The following NARF variants were observed in gnomAD, a reference collection of about 807,000 sequenced individuals.
The protein encoded by NARF is iron-only hydrogenase-like protein 2.
A neutral mutation model predicts 48.0 loss-of-function variants in NARF; 41 were observed. The ratio of observed to expected loss-of-function variants is 0.85; its 90% confidence interval spans 0.66 to 1.11. The LOEUF is 1.11. Among genes scored for constraint, NARF ranks in the 50% least tolerant of loss-of-function variants. The pLI is 0.00. For synonymous variants in NARF, 215 were observed against 225.5 expected (o/e 0.95, Z 0.42); for missense variants, 613 against 590.2 (o/e 1.04, Z -0.40).
At chr17:82,469,322 A>T (rs562252815) in intron 4 of NARF, among the ~76,000 whole-genome samples, 68 of 152,372 alleles carry the variant, frequency 4.5e-4, no homozygotes, top group Middle Eastern at 6.8e-3. Flanking sequence ...CAGAGCAGAA[A>T]GGGAATGGGC....
At position 82,478,788 on chromosome 17, in the gene NARF, T is replaced by C. The variant is rs1408457018; in HGVS notation, c.521-12T>C. ...CAGTAAGGAGCTGACCGTGGATCCC[T>C]TCTCTCCCCAGGCTGGGTCCGATAC... On this transcript the variant is annotated splice_polypyrimidine_tract_variant and intron_variant, in intron 5 of 10. Coordinates refer to ENST00000309794, the MANE Select transcript of NARF (RefSeq NM_012336.4). 1 of 1,611,354 alleles carries C rather than the reference T, an allele frequency of 6.2e-7. No individual in the cohort carries two copies. Among genetic ancestry groups the C allele is most frequent in the African/African-American group, 1.3e-5 (1 of 74,886 alleles).
chr17:82,478,694 G>T, intron 5 of NARF, 106 bp from the exon 6 acceptor site: 1 of 1,164,666 alleles, frequency 8.6e-7, no homozygotes. Context: ...AGGTGTTCTG[G>T]CTTCACCCTG....
intron 3 of NARF, among the ~76,000 whole-genome samples, chr17:82,467,074 T>G (rs2043588002): frequency 6.6e-6 from 1 of 151,814 alleles, no homozygotes; most frequent in Non-Finnish European, 1.5e-5. Flanking sequence ...TGAGATGGAG[T>G]CTCACTCTGT....
chr17:82,466,505 T>C (rs2029896503), intron 3 of NARF, among the ~76,000 whole-genome samples: 1 of 152,100 alleles, frequency 6.6e-6, no homozygotes, highest in Admixed American at 6.6e-5. Flanking sequence ...CAGGCTGGGG[T>C]GCAGTGTCGT....
At chr17:82,458,508 C>T, upstream of NARF, 1 of 376,162 alleles carries the variant, frequency 2.7e-6, no homozygotes. Flanking sequence ...CCCCCGGCGC[C>T]GTACGTGGAG....
chr17:82,458,854 C>T (rs751702597), intron 1 of NARF, 24 bp downstream of exon 1: 11 of 1,391,944 alleles, frequency 7.9e-6, no homozygotes, highest in Non-Finnish European at 8.4e-6. Context: ...GCCGGGGAGG[C>T]GCGCGCCTGG....
upstream of NARF, chr17:82,458,711 A>G: frequency 1.1e-5 from 15 of 1,411,560 alleles, no homozygotes; most frequent in Non-Finnish European, 1.4e-5. Context: ...GGGGGAGGAC[A>G]ACAAAGGGCC....
intron 1 of NARF, 48 bp downstream of exon 1, chr17:82,458,878 G>C: frequency 7.5e-7 from 1 of 1,332,990 alleles, no homozygotes; most frequent in Non-Finnish European, 9.6e-7. Flanking sequence ...TTGTCCTGTG[G>C]GGCTCTGGGC....
At chr17:82,477,476 C>T (rs922721723) in intron 5 of NARF, among the ~76,000 whole-genome samples, 7 of 151,952 alleles carry the variant, frequency 4.6e-5, no homozygotes, top group Admixed American at 2.0e-4. Context: ...TGCACTCCAG[C>T]CTGGGTGACA....
intron 5 of NARF, among the ~76,000 whole-genome samples, chr17:82,478,122 G>A (rs2143916210): frequency 6.6e-6 from 1 of 152,296 alleles, no homozygotes; most frequent in South Asian, 2.1e-4. Flanking sequence ...TATGCACTCT[G>A]ACTGGGCTGT....
chr17:82,466,445 ATTC>A (rs1567931086), intron 3 of NARF, among the ~76,000 whole-genome samples: 1 of 152,018 alleles, frequency 6.6e-6, no homozygotes, highest in African/African-American at 2.4e-5. Flanking sequence ...ATGTGAATAC[ATTC>A]TTCTTCCTTT....
chr17:82,464,115 A>T (rs986826877), intron 2 of NARF, 172 bp from the exon 3 acceptor site: 19 of 746,540 alleles, frequency 2.5e-5, no homozygotes, highest in Middle Eastern at 3.8e-4. Context: ...CACCACCTTG[A>T]GCTGCTCAGT....
intron 10 of NARF, among the ~76,000 whole-genome samples, chr17:82,485,863 G>T (rs2044084875): frequency 1.3e-5 from 2 of 152,216 alleles, no homozygotes; most frequent in African/African-American, 2.4e-5. Context: ...CATGTAGCAT[G>T]TGGGCATTCT....
intron 2 of NARF, chr17:82,463,869 G>A (rs1325279026): frequency 6.1e-6 from 1 of 164,444 alleles, no homozygotes; most frequent in Non-Finnish European, 1.3e-5. Context: ...GTGGCCTCAG[G>A]GAGCCGTGGG....
At chr17:82,465,552 C>T (rs917284146) in intron 3 of NARF, among the ~76,000 whole-genome samples, 2 of 152,114 alleles carry the variant, frequency 1.3e-5, no homozygotes, top group African/African-American at 4.8e-5. Flanking sequence ...GGCTTCTGGA[C>T]AAGTCATCCA....
rs2043636134 is a variant in NARF, at chr17:82,468,982, G to A, written c.385+86G>A. 11 of 1,483,052 alleles carry A rather than the reference G, an allele frequency of 7.4e-6. 1 individual carries two copies. Among genetic ancestry groups the A allele is most frequent in the East Asian group, 4.5e-5 (2 of 44,008 alleles). The allele number at this position is 1,483,052 out of a possible 1,614,324, so 91.9% of individuals were successfully genotyped here. A position where few individuals can be genotyped will look rare whatever the true frequency, so the allele number is the denominator to read the frequency against. ...TCTCTAAAGTTCGTTTTTCAAGGAC[G>A]CAGGGTAGATAAGCAACTTCCAAAA... On this transcript the variant is annotated intron_variant, in intron 4 of 10. Coordinates refer to ENST00000309794, the MANE Select transcript of NARF (RefSeq NM_012336.4).
chr17:82,472,375 T>G (rs957838027), intron 4 of NARF, among the ~76,000 whole-genome samples, 189 bp from the exon 5 acceptor site: 1 of 151,640 alleles, frequency 6.6e-6, no homozygotes, highest in African/African-American at 2.4e-5. Flanking sequence ...TCCCAGTTAC[T>G]CGGGAGACTG....
At chr17:82,465,194 C>T (rs921453879) in intron 3 of NARF, among the ~76,000 whole-genome samples, 1 of 152,162 alleles carries the variant, frequency 6.6e-6, no homozygotes, top group Non-Finnish European at 1.5e-5. Flanking sequence ...GACTCACTCA[C>T]TATCATGAGA....
Position 82,460,065 on chromosome 17 carries a change from A to G in NARF, c.101A>G (p.Asn34Ser). 1 of 1,613,640 alleles carries G rather than the reference A, an allele frequency of 6.2e-7. No individual in the cohort carries two copies. The highest frequency in any genetic ancestry group is 8.5e-7 in the Non-Finnish European group (1 of 1,179,714). The part of the protein sequence containing the change: ...SADAPSPAQE[N>S]GEKGEFHKLA... Reference sequence around the variant, plus strand: ...GATGCACCGAGTCCAGCCCAGGAAAATGGAGAGGCAAGTAGATTTTTCAGT... The same window carrying G: ...GATGCACCGAGTCCAGCCCAGGAAAGTGGAGAGGCAAGTAGATTTTTCAGT... Residue 34 changes from asparagine (N) to serine (S), a missense_variant, in exon 2 of 11, where the codon AAT (asparagine) becomes AGT (serine). By Grantham distance (46) the Asn-to-Ser change is conservative. Coordinates refer to ENST00000309794, the MANE Select transcript of NARF (RefSeq NM_012336.4).
Sources: gnomAD v4.1 joint callset for allele counts (sites outside exome capture counted in the v4.1 genomes callset) on GRCh38, gnomAD v4.1.1 for gene constraint, MANE v1.5 for transcripts, NCBI Gene and HGNC (gene_info 2026-07-23, HGNC 2026-07-21) for gene names.